Variants in PIGA observed in about 807,000 individuals in gnomAD.
PIGA encodes phosphatidylinositol N-acetylglucosaminyltransferase subunit A.
PIGA carries 3 observed loss-of-function variants against 17.1 expected under a neutral mutation model. That is an observed-to-expected ratio of 0.18 (90% confidence interval 0.08 to 0.45). The LOEUF (loss-of-function observed/expected upper bound fraction) is 0.45, where lower values mean the gene tolerates loss of function less well. Among genes scored for constraint, PIGA ranks in the 20% least tolerant of loss-of-function variants. The pLI is 0.99. For missense variants in PIGA, 231 were observed against 374.1 expected (o/e 0.62, Z 3.16); for synonymous variants, 126 against 135.1 (o/e 0.93, Z 0.47).
Position 15,331,966 on chromosome X carries a change from C to A in PIGA, c.-36G>T, listed in dbSNP as rs995090648. Reference sequence around the variant, plus strand: ...TTTAGACATCAGTTCTTAGAGCAACCCAGTTAAGAGATGTGTCCTCTATTA... The same window carrying A: ...TTTAGACATCAGTTCTTAGAGCAACACAGTTAAGAGATGTGTCCTCTATTA... On this transcript the variant is annotated 5_prime_UTR_variant, in exon 2 of 6. Coordinates refer to ENST00000333590, the MANE Select transcript of PIGA (RefSeq NM_002641.4). The A allele has an allele frequency of 2.6e-6, 3 of 1,160,426 alleles. No individual in the cohort carries two copies. Among genetic ancestry groups the A allele is most frequent in the Non-Finnish European group, 3.4e-6 (3 of 869,812 alleles).
chrX:15,329,258 C>T (rs1922079038), intron 2 of PIGA, among the ~76,000 whole-genome samples: 1 of 112,155 alleles, frequency 8.9e-6, no homozygotes, highest in South Asian at 3.7e-4. Flanking sequence ...ATCATATAAA[C>T]TGACAAAAAG....
chrX:15,335,497 T>C lies in PIGA; in HGVS notation c.-63+4A>G. The C allele has an allele frequency of 1.0e-6, 1 of 982,139 alleles. No individual in the cohort carries two copies. The allele number at this position is 982,139 out of a possible 1,213,427, so 80.9% of individuals were successfully genotyped here. ...TGGAGAGGGGCGGCGCGACGCGCAC[T>C]CACCGGTGAGTTCCATGGCCGCCAG... On this transcript the variant is annotated splice_donor_region_variant and intron_variant, in intron 1 of 5. Coordinates refer to ENST00000333590, the MANE Select transcript of PIGA (RefSeq NM_002641.4).
chrX:15,327,907 T>C (rs1244473979), intron 2 of PIGA: 2 of 111,957 alleles, frequency 1.8e-5, no homozygotes, highest in Admixed American at 1.9e-4. Flanking sequence ...ACCAATGATC[T>C]ATATTCTTAT....
chrX:15,332,284 G>GT (rs1189403103), intron 1 of PIGA, among the ~76,000 whole-genome samples: 1 of 112,090 alleles, frequency 8.9e-6, no homozygotes, highest in African/African-American at 3.2e-5. Context: ...TAACAAACCA[G>GT]TCTCTTCCAA....
rs864309579 is a variant in PIGA, at chrX:15,331,852, T to C, written c.79A>G (p.Thr27Ala). ...LSRVSPGSLY[T>A]CRTRTHNICM... ...ATATTATGGGTACGGGTTCTACATG[T>C]GTAAAGACTTCCAGGGCTAACCCGA... is the stretch of plus-strand genomic sequence containing the variant. The change falls in exon 2 of 6, where the codon ACA becomes GCA. Residue 27 changes from threonine to alanine, a missense_variant. Physicochemically the swap from Thr to Ala is moderately conservative, Grantham distance 58 (BLOSUM62 0). Coordinates refer to ENST00000333590, the MANE Select transcript of PIGA (RefSeq NM_002641.4). 5.8e-6 allele frequency: 7 copies of C among 1,211,776 alleles called. No individual in the cohort carries two copies. In the Middle Eastern group the frequency reaches 1.6e-3, roughly 278 times the overall value.
chrX:15,329,697 ACT>A (rs991814656), intron 2 of PIGA, among the ~76,000 whole-genome samples: 1 of 111,738 alleles, frequency 8.9e-6, no homozygotes, highest in African/African-American at 3.3e-5. Flanking sequence ...CTCAGAAGAC[ACT>A]GTTTTTTATA....
intron 2 of PIGA, chrX:15,327,804 C>CAG (rs369960060): frequency 1.8e-5 from 2 of 112,011 alleles, no homozygotes; most frequent in African/African-American, 6.5e-5. Flanking sequence ...CTAACAGTAA[C>CAG]AGAGTGCTTG....
intron 3 of PIGA, 91 bp from the exon 4 acceptor site, chrX:15,325,243 C>T: frequency 1.2e-6 from 1 of 818,657 alleles, no homozygotes; most frequent in Non-Finnish European, 1.7e-6. Flanking sequence ...ATTTATATTA[C>T]ACTTAAATTC....
At chrX:15,326,346 T>C (rs1388479062) in intron 2 of PIGA, 1 of 131,007 alleles carries the variant, frequency 7.6e-6, no homozygotes, top group African/African-American at 3.1e-5. Context: ...GTTTATACAT[T>C]GCGTACTTCT....
intron 1 of PIGA, 114 bp downstream of exon 1, chrX:15,335,387 C>G: frequency 1.4e-6 from 1 of 709,209 alleles, no homozygotes; most frequent in East Asian, 4.3e-5. Flanking sequence ...TTCCGGGCTT[C>G]GAACCGGGTC....
intron 5 of PIGA, among the ~76,000 whole-genome samples, chrX:15,322,997 T>C (rs1195737779): frequency 8.9e-6 from 1 of 112,051 alleles, no homozygotes; most frequent in African/African-American, 3.2e-5. Context: ...AATAACAATT[T>C]ACTATTATGA....
At chrX:15,323,406 T>A (rs1268243419) in intron 5 of PIGA, among the ~76,000 whole-genome samples, 1 of 111,066 alleles carries the variant, frequency 9.0e-6, no homozygotes, top group African/African-American at 3.3e-5. Context: ...AACACTGGAA[T>A]CTAGGGAGTG....
At chrX:15,332,832 T>C (rs1268503293) in intron 1 of PIGA, among the ~76,000 whole-genome samples, 2 of 111,662 alleles carry the variant, frequency 1.8e-5, no homozygotes, top group Non-Finnish European at 3.8e-5. Context: ...TGAGACTACA[T>C]GGAAAGAGCC....
At chrX:15,330,093 A>G (rs1429586034) in intron 2 of PIGA, among the ~76,000 whole-genome samples, 1 of 111,192 alleles carries the variant, frequency 9.0e-6, no homozygotes, top group Non-Finnish European at 1.9e-5. Flanking sequence ...GTCTCAAAAA[A>G]AAAAAACCCA....
At chrX:15,332,397 C>T (rs750074570) in intron 1 of PIGA, among the ~76,000 whole-genome samples, 14 of 112,337 alleles carry the variant, frequency 1.2e-4, no homozygotes, top group Non-Finnish European at 2.6e-4. Context: ...GGCCACTATA[C>T]ATCAGCTACT....
In PIGA at chrX:15,331,518, G is replaced by C; in HGVS notation, c.413C>G (p.Ala138Gly). The C allele has an allele frequency of 8.3e-7, 1 of 1,211,571 alleles. No homozygotes were observed. The highest frequency in any genetic ancestry group is 1.1e-6 in the Non-Finnish European group (1 of 895,175). ...HSSFSAMAHD[A>G]LFHAKTMGLQ... Reference sequence around the variant, plus strand: ...CCCCATTGTCTTGGCGTGGAAGAGAGCATCATGGGCCATAGCAGAAAAAGA... The same window carrying C: ...CCCCATTGTCTTGGCGTGGAAGAGACCATCATGGGCCATAGCAGAAAAAGA... Residue 138 changes from alanine (A) to glycine (G), a missense_variant, in exon 2 of 6, where the codon GCT (alanine) becomes GGT (glycine). Transcript: ENST00000333590.
At chrX:15,326,463 T>A (rs984377784) in intron 2 of PIGA, 1 of 112,551 alleles carries the variant, frequency 8.9e-6, no homozygotes, top group Non-Finnish European at 1.9e-5. Context: ...AGCAAGCCCA[T>A]TGATCGTGGG....
intron 2 of PIGA, chrX:15,328,912 A>C (rs1187252640): frequency 8.9e-6 from 1 of 112,545 alleles, no homozygotes; most frequent in Non-Finnish European, 1.9e-5. Context: ...AGTTACAAAA[A>C]AACACATCAC....
chrX:15,326,109 C>T (rs927981572), intron 2 of PIGA, 63 bp from the exon 3 acceptor site: 12 of 761,357 alleles, frequency 1.6e-5, no homozygotes, highest in Admixed American at 9.1e-5. Flanking sequence ...TTCACCAGAA[C>T]GACTGAGAAT....
Sources: gnomAD v4.1 joint callset for allele counts (sites outside exome capture counted in the v4.1 genomes callset) on GRCh38, gnomAD v4.1.1 for gene constraint, MANE v1.5 for transcripts, NCBI Gene and HGNC (gene_info 2026-07-23, HGNC 2026-07-21) for gene names.